XKR5: variants seen among roughly 807,000 people sequenced by gnomAD.
XKR5 encodes the protein XK related 5.
A neutral mutation model predicts 40.8 loss-of-function variants in XKR5; 46 were observed. That is an observed-to-expected ratio of 1.13 (90% CI 0.89 to 1.44). XKR5 has a LOEUF of 1.44. XKR5 is among the 40% of genes most tolerant of loss of function. The pLI is 0.00. For synonymous variants in XKR5, 466 were observed against 356.1 expected (o/e 1.31, Z -3.48); for missense variants, 1,169 against 844.7 (o/e 1.38, Z -4.76).
intron 5 of XKR5, among the ~76,000 whole-genome samples, chr8:6,818,699 T>A (rs1464657196): frequency 6.6e-6 from 1 of 152,146 alleles, no homozygotes; most frequent in African/African-American, 2.4e-5. Context: ...TGAGACAGAA[T>A]CTCTGAGGGG....
intron 5 of XKR5, among the ~76,000 whole-genome samples, chr8:6,817,165 C>G (rs1048014538): frequency 6.6e-6 from 1 of 152,184 alleles, no homozygotes; most frequent in Non-Finnish European, 1.5e-5. Flanking sequence ...TCTTCATTCT[C>G]TCTCTGAAAT....
intron 5 of XKR5, among the ~76,000 whole-genome samples, chr8:6,818,763 G>T (rs554216113): frequency 1.3e-5 from 2 of 152,230 alleles, no homozygotes; most frequent in African/African-American, 4.8e-5. Context: ...CTGACAACCA[G>T]CAGGGCTGAG....
rs114336567 is a variant in XKR5 at position 6,811,311 on chromosome 8, G to C, written c.1948C>G (p.Gln650Glu). The part of the protein sequence containing the change: ...AAVGVWVSLP[Q>E]LRTAHEPCLT... The stretch of plus-strand genomic sequence containing the variant: ...CAGGGCTCATGGGCAGTCCTCAGCT[G>C]TGGCAATGACACCCACACACCAACA... Residue 650 changes from glutamine (Q) to glutamate (E), a missense_variant, in exon 7 of 7, where the codon CAG becomes GAG. Gln to Glu is a conservative substitution (Grantham distance 29). Coordinates refer to ENST00000618742, the MANE Select transcript of XKR5 (RefSeq NM_207411.5). 2.0e-3 allele frequency: 3,120 copies of C among 1,537,328 alleles called. 58 individuals carry two copies. In the African/African-American group the frequency reaches 0.036, roughly 18 times the overall value.
intron 2 of XKR5, among the ~76,000 whole-genome samples, chr8:6,831,518 G>A (rs28615773): frequency 0.068 from 10,350 of 152,132 alleles, 876 homozygotes; most frequent in African/African-American, 0.2. Context: ...CCTGCTCACA[G>A]TGATGCTCTA....
At chr8:6,822,100 AC>A in intron 4 of XKR5, 62 bp from the exon 5 acceptor site, 14 of 1,498,844 alleles carry the variant, frequency 9.3e-6, no homozygotes, top group Non-Finnish European at 1.3e-5. Context: ...ACAGGCAAGG[AC>A]ACAGAGACCA....
At chr8:6,820,676 G>T (rs1346149162) in intron 5 of XKR5, among the ~76,000 whole-genome samples, 2 of 152,188 alleles carry the variant, frequency 1.3e-5, no homozygotes, top group African/African-American at 4.8e-5. Flanking sequence ...TCTACAACAC[G>T]CACGCTGTTA....
chr8:6,813,204 G>T (rs1187272521), intron 6 of XKR5, among the ~76,000 whole-genome samples: 2 of 152,184 alleles, frequency 1.3e-5, no homozygotes, highest in Non-Finnish European at 2.9e-5. Context: ...CAAGCAGCTG[G>T]TTAGTGGCCA....
rs1803753092 is a variant in XKR5 at position 6,812,188 on chromosome 8, T to C, written c.1071A>G (p.Arg357=). Residue 357 remains arginine, a synonymous_variant, in exon 7 of 7, where the codon AGA becomes AGG. Transcript: ENST00000618742. ...SPRATDLAGK[R]TESSGSCQGA... is the part of the protein sequence containing the mutation. ...CTTGGCATGAGCCTGAGCTCTCGGT[T>C]CTCTTCCCAGCTAGATCTGTGGCCC... 1 of 1,551,682 alleles carries C rather than the reference T, an allele frequency of 6.4e-7. No homozygotes were observed. Among genetic ancestry groups the C allele is most frequent in the Non-Finnish European group, 8.7e-7 (1 of 1,147,024 alleles).
intron 1 of XKR5, 134 bp downstream of exon 1, chr8:6,835,302 G>C: frequency 1.1e-6 from 1 of 884,262 alleles, no homozygotes; most frequent in Non-Finnish European, 1.6e-6. Flanking sequence ...CCACCACCGT[G>C]CGTCACCGGC....
At chr8:6,815,097 C>A (rs1175541891) in intron 6 of XKR5, among the ~76,000 whole-genome samples, 1 of 152,182 alleles carries the variant, frequency 6.6e-6, no homozygotes, top group Non-Finnish European at 1.5e-5. Flanking sequence ...CAGGTGCTGG[C>A]TTTGACGGTC....
At chr8:6,820,070 G>A (rs1412601828) in intron 5 of XKR5, among the ~76,000 whole-genome samples, 3 of 152,232 alleles carry the variant, frequency 2.0e-5, no homozygotes, top group Non-Finnish European at 4.4e-5. Context: ...CAAAAACTGG[G>A]TGTGGGGGCA....
intron 2 of XKR5, among the ~76,000 whole-genome samples, chr8:6,830,028 G>A (rs537054553): frequency 5.9e-5 from 9 of 151,822 alleles, no homozygotes; most frequent in African/African-American, 2.2e-4. Context: ...TAGTAGAGAC[G>A]GGGTTTCACC....
At chr8:6,813,652 G>C (rs1045948586) in intron 6 of XKR5, among the ~76,000 whole-genome samples, 1 of 152,204 alleles carries the variant, frequency 6.6e-6, no homozygotes, top group South Asian at 2.1e-4. Context: ...ATCAGAGGCC[G>C]GAGGAGGAGC....
At chr8:6,814,942 G>T (rs1172956093) in intron 6 of XKR5, among the ~76,000 whole-genome samples, 4 of 151,834 alleles carry the variant, frequency 2.6e-5, no homozygotes, top group Non-Finnish European at 4.4e-5. Context: ...AGCAAGAAAA[G>T]AACCCGAGGC....
chr8:6,828,552 A>G (rs185061576), intron 2 of XKR5, among the ~76,000 whole-genome samples: 25 of 152,284 alleles, frequency 1.6e-4, no homozygotes, highest in African/African-American at 6.0e-4. Context: ...GCCACTAGGG[A>G]AGCCGGGGAG....
Position 6,808,892 on chromosome 8 carries a change from C to G in XKR5, c.*2306G>C, listed in dbSNP as rs533944779. On this transcript the variant is annotated 3_prime_UTR_variant, in exon 7 of 7. Coordinates refer to ENST00000618742, the MANE Select transcript of XKR5 (RefSeq NM_207411.5). ...CTCAAGCTGAAATTCATGCCCACAG[C>G]CCCGCTCGTTAGTGAATTCATGCTG... 49 of 152,306 alleles carry G rather than the reference C, an allele frequency of 3.2e-4. No homozygotes were observed. Among genetic ancestry groups the G allele is most frequent in the African/African-American group, 1.0e-3 (43 of 41,564 alleles). The allele number at this position is 152,306 out of a possible 1,614,324, so 9.4% of individuals were successfully genotyped here.
intron 5 of XKR5, among the ~76,000 whole-genome samples, chr8:6,820,901 C>T (rs1804202311): frequency 6.6e-6 from 1 of 152,198 alleles, no homozygotes; most frequent in African/African-American, 2.4e-5. Context: ...GAATGCCTGA[C>T]TCCTCCCACA....
intron 4 of XKR5, 89 bp downstream of exon 4, chr8:6,823,432 G>C: frequency 7.2e-7 from 1 of 1,389,164 alleles, no homozygotes; most frequent in Non-Finnish European, 1.0e-6. Context: ...GCCTGGGATT[G>C]AGGATCATAT....
chr8:6,816,313 G>A lies in XKR5; in HGVS notation c.808-395C>T, dbSNP rs966478535. Among the ~76,000 whole-genome samples the A allele has an allele frequency of 2.0e-5, 3 of 152,284 alleles. No homozygotes were observed. In the South Asian group the frequency reaches 6.2e-4, roughly 32 times the overall value. ...TGTTAAAATGAAAGATAGCTGCAGA[G>A]CTCATGATGCCACTGAATTCCAGGG... On this transcript the variant is annotated intron_variant, in intron 5 of 6. Coordinates refer to ENST00000618742, the MANE Select transcript of XKR5 (RefSeq NM_207411.5).
Sources: allele counts gnomAD v4.1 joint callset (sites outside exome capture counted in the v4.1 genomes callset), GRCh38; gene constraint gnomAD v4.1.1; transcripts MANE v1.5; gene names NCBI Gene and HGNC (gene_info 2026-07-23, HGNC 2026-07-21).